ELAVL2: variants seen among roughly 807,000 people sequenced by gnomAD.
ELAVL2 encodes the protein ELAV like RNA binding protein 2, also known as ELAV-like protein 2.
Under a neutral mutation model 34.6 loss-of-function variants are expected in ELAVL2, and 4 were observed. That is an observed-to-expected ratio of 0.12 (90% CI 0.06 to 0.26). ELAVL2 has a LOEUF of 0.26. ELAVL2 is among the 10% of genes least tolerant of loss of function. The probability of loss-of-function intolerance (pLI) is 1.00; values close to 1 mark genes in which losing one functional copy is unlikely to be tolerated. For missense variants in ELAVL2, 432 were observed against 442.8 expected (o/e 0.98, Z 0.22); for synonymous variants, 193 against 154.8 (o/e 1.25, Z -1.83).
rs931157714 is a variant in ELAVL2, at chr9:23,822,090, C to A, written c.-16+3716G>T. Among the ~76,000 whole-genome samples the A allele has an allele frequency of 4.6e-5, 7 of 152,100 alleles. No homozygotes were observed. The East Asian group carries it at 5.8e-4, about 13-fold the overall frequency. ...GAGAGCGTTGAGCGCCCAGAGGAGG[C>A]TGATTCCAGGTGCAAGTTTGCAAAT... On this transcript the variant is annotated intron_variant, in intron 1 of 6. Coordinates refer to ENST00000397312, the MANE Select transcript of ELAVL2 (RefSeq NM_004432.5).
chr9:23,736,267 A>C lies in ELAVL2; in HGVS notation c.230-5142T>G, dbSNP rs77610662. On this transcript the variant is annotated intron_variant, in intron 2 of 6. Transcript: ENST00000397312. ...CTCAACACAAAATTGTGGAAAATAA[A>C]ATTTTGTATTTAAAAAAAACAAGAG... Among the ~76,000 whole-genome samples, 1,004 of 152,236 alleles carry C rather than the reference A, an allele frequency of 6.6e-3. 9 individuals are homozygous for C. The highest frequency in any genetic ancestry group is 0.02 in the Middle Eastern group (6 of 294).
chr9:23,702,951 CAAAAAAAAAAAAAA>C (rs58828236), intron 4 of ELAVL2, among the ~76,000 whole-genome samples: 48 of 47,648 alleles, frequency 1.0e-3, no homozygotes, highest in African/African-American at 1.8e-3. Context: ...ATCAGATTAG[CAAAAAAAAAAAAAA>C]AAAAAAAAAA....
chr9:23,813,629 A>T (rs1438526497), intron 1 of ELAVL2, among the ~76,000 whole-genome samples: 1 of 152,152 alleles, frequency 6.6e-6, no homozygotes, highest in East Asian at 1.9e-4. Context: ...CCCAATGGGG[A>T]CAGTTCTAAA....
chr9:23,713,310 A>AT (rs2041483653), intron 3 of ELAVL2, among the ~76,000 whole-genome samples: 1 of 152,222 alleles, frequency 6.6e-6, no homozygotes, highest in Non-Finnish European at 1.5e-5. Context: ...TTAACAGAAA[A>AT]TAAAACAATT....
intron 3 of ELAVL2, 69 bp from the exon 4 acceptor site, chr9:23,705,140 A>T: frequency 6.3e-7 from 1 of 1,576,756 alleles, no homozygotes; most frequent in East Asian, 2.2e-5. Flanking sequence ...GAAACTCAAA[A>T]ACTGCCTCGG....
chr9:23,804,007 G>A (rs928294127), intron 1 of ELAVL2, among the ~76,000 whole-genome samples: 1 of 152,110 alleles, frequency 6.6e-6, no homozygotes, highest in African/African-American at 2.4e-5. Flanking sequence ...CAGCTCATAT[G>A]TAGGAAAAGT....
chr9:23,768,090 G>A (rs1380642666), intron 1 of ELAVL2, among the ~76,000 whole-genome samples: 1 of 152,094 alleles, frequency 6.6e-6, no homozygotes, highest in Non-Finnish European at 1.5e-5. Flanking sequence ...CCTTAACAAT[G>A]TTCCCAGGTA....
chr9:23,770,503 T>C (rs1015791256), intron 1 of ELAVL2, among the ~76,000 whole-genome samples: 5 of 152,224 alleles, frequency 3.3e-5, no homozygotes, highest in African/African-American at 1.2e-4. Flanking sequence ...CCTTGGTTAC[T>C]GAGGTGGGCC....
chr9:23,723,152 C>T lies in ELAVL2; in HGVS notation c.333+7870G>A, dbSNP rs148986178. 1.1e-3 allele frequency among the ~76,000 whole-genome samples: 169 copies of T among 152,226 alleles called. 2 individuals carry two copies. Among genetic ancestry groups the T allele is most frequent in the African/African-American group, 4.0e-3 (167 of 41,524 alleles). ...TTTATTGCGGCACTATTCACAATAG[C>T]AAAGACTTGGAACCAACCCAAATGT... is the stretch of plus-strand genomic sequence containing the variant. On this transcript the variant is annotated intron_variant, in intron 3 of 6. Coordinates refer to ENST00000397312, the MANE Select transcript of ELAVL2 (RefSeq NM_004432.5).
intron 1 of ELAVL2, among the ~76,000 whole-genome samples, chr9:23,783,239 T>C (rs1358564145): frequency 1.3e-5 from 2 of 152,212 alleles, no homozygotes; most frequent in Non-Finnish European, 2.9e-5. Context: ...TGTTACACTT[T>C]AGTCCTCCAA....
intron 1 of ELAVL2, among the ~76,000 whole-genome samples, chr9:23,782,880 G>A (rs1000826775): frequency 4.6e-5 from 7 of 152,194 alleles, no homozygotes; most frequent in Admixed American, 1.3e-4. Context: ...GGCACAAGAA[G>A]TGAGCTGAAG....
intron 1 of ELAVL2, among the ~76,000 whole-genome samples, chr9:23,823,728 A>C (rs1007687606): frequency 6.6e-6 from 1 of 152,142 alleles, no homozygotes; most frequent in Non-Finnish European, 1.5e-5. Context: ...GCCCAAACAC[A>C]TTTCCTACCC....
At chr9:23,821,759 G>C (rs1488066121) in intron 1 of ELAVL2, 2 of 149,292 alleles carry the variant, frequency 1.3e-5, no homozygotes, top group African/African-American at 4.9e-5. Flanking sequence ...CGCCCCACCC[G>C]CGCCGCGCCG....
At chr9:23,814,651 C>T in intron 1 of ELAVL2, among the ~76,000 whole-genome samples, 1 of 152,080 alleles carries the variant, frequency 6.6e-6, no homozygotes, top group East Asian at 1.9e-4. Context: ...TGAATAAACT[C>T]AAATAGAAAT....
intron 5 of ELAVL2, among the ~76,000 whole-genome samples, chr9:23,696,529 C>T (rs1184694176): frequency 6.6e-6 from 1 of 152,130 alleles, no homozygotes; most frequent in African/African-American, 2.4e-5. Flanking sequence ...AGTGCAGTGG[C>T]GTGATCTCGG....
the ELAVL2 span, among the ~76,000 whole-genome samples, chr9:23,844,056 A>C: frequency 6.6e-6 from 1 of 152,206 alleles, no homozygotes; most frequent in Admixed American, 6.6e-5. Context: ...AGCCACTGTT[A>C]CATTTCTTTA....
At chr9:23,702,300 G>C (rs185683774) in intron 4 of ELAVL2, among the ~76,000 whole-genome samples, 3 of 152,128 alleles carry the variant, frequency 2.0e-5, no homozygotes, top group Admixed American at 2.0e-4. Flanking sequence ...TAAATTTCTA[G>C]AAGTAAAGCA....
chr9:23,824,614 G>A (rs2065171178), intron 1 of ELAVL2, among the ~76,000 whole-genome samples: 2 of 152,128 alleles, frequency 1.3e-5, no homozygotes, highest in Admixed American at 1.3e-4. Context: ...AGGAAAGCCA[G>A]CAGCTTGTTC....
At chr9:23,841,489 G>GGTTTAAGAATTGTTATACCCTCTAA in the ELAVL2 span, among the ~76,000 whole-genome samples, 1 of 152,032 alleles carries the variant, frequency 6.6e-6, no homozygotes, top group African/African-American at 2.4e-5. Context: ...CCTCTCTCTA[G>GGTTTAAGAATTGTTATACCCTCTAA]GTTTAAGAAT....
Sources: allele counts gnomAD v4.1 joint callset (sites outside exome capture counted in the v4.1 genomes callset), GRCh38; gene constraint gnomAD v4.1.1; transcripts MANE v1.5; gene names NCBI Gene and HGNC (gene_info 2026-07-23, HGNC 2026-07-21).